The following TRPM3 variants were observed in gnomAD, a reference collection of about 807,000 sequenced individuals.
The protein encoded by TRPM3 is transient receptor potential cation channel subfamily M member 3, also known as long transient receptor potential channel 3.
Under a neutral mutation model 181.2 loss-of-function variants are expected in TRPM3, and 77 were observed. The ratio of observed to expected loss-of-function variants is 0.42; its 90% CI spans 0.35 to 0.51. TRPM3 has a LOEUF of 0.51. TRPM3 is among the 20% of genes least tolerant of loss of function. The pLI is 0.01. For missense variants in TRPM3, 1,759 were observed against 2,196.7 expected, an observed-to-expected ratio of 0.80 and a Z score of 3.98; for synonymous variants, 745 against 796.4, an observed-to-expected ratio of 0.94 and a Z score of 1.09.
At chr9:71,040,098 C>A (rs2058658791) in intron 1 of TRPM3, among the ~76,000 whole-genome samples, 1 of 152,104 alleles carries the variant, frequency 6.6e-6, no homozygotes, top group Non-Finnish European at 1.5e-5. Flanking sequence ...GAAAAGAAAG[C>A]CTGCGGCTCT....
chr9:71,427,767 A>C (rs1032739467), intron 1 of TRPM3, among the ~76,000 whole-genome samples: 4 of 152,116 alleles, frequency 2.6e-5, no homozygotes, highest in African/African-American at 9.7e-5. Context: ...AGGGAGGAGG[A>C]GGCAGGGGGC....
At chr9:71,197,433 G>A (rs540647968) in intron 1 of TRPM3, among the ~76,000 whole-genome samples, 2 of 152,190 alleles carry the variant, frequency 1.3e-5, no homozygotes, top group South Asian at 4.1e-4. Context: ...CTAGATCCCT[G>A]AGGAATCGCC....
At chr9:70,674,785 T>C (rs1319404322) in intron 9 of TRPM3, among the ~76,000 whole-genome samples, 1 of 149,638 alleles carries the variant, frequency 6.7e-6, no homozygotes, top group Non-Finnish European at 1.5e-5. Flanking sequence ...AGGCTGATCT[T>C]GAACTCCCAG....
rs1341568743 is a variant in TRPM3 at position 71,201,139 on chromosome 9, G to A, written c.183+245514C>T. Among the ~76,000 whole-genome samples the A allele has an allele frequency of 2.6e-4, 39 of 151,670 alleles. 1 individual carries two copies. Among genetic ancestry groups the A allele is most frequent in the African/African-American group, 9.2e-4 (38 of 41,428 alleles). ...ATTTCTCCTTCACTTATGAAGCTTA[G>A]TTTGGCTGGATATGAAATTCTGGGT... On this transcript the variant is annotated intron_variant, in intron 1 of 24. Coordinates refer to the TRPM3 transcript ENST00000357533.
At chr9:70,652,175 A>G (rs145391273) in intron 9 of TRPM3, among the ~76,000 whole-genome samples, 9 of 152,330 alleles carry the variant, frequency 5.9e-5, no homozygotes, top group South Asian at 2.1e-4. Context: ...GATGGTGGCT[A>G]TATGAACAGA....
intron 1 of TRPM3, among the ~76,000 whole-genome samples, chr9:71,301,378 C>T (rs2086759746): frequency 6.6e-6 from 1 of 152,160 alleles, no homozygotes; most frequent in Non-Finnish European, 1.5e-5. Context: ...ATGCTTTACA[C>T]ATTGATTACT....
At chr9:71,308,955 T>C (rs1034095664) in intron 1 of TRPM3, among the ~76,000 whole-genome samples, 20 of 152,158 alleles carry the variant, frequency 1.3e-4, no homozygotes, top group African/African-American at 4.3e-4. Flanking sequence ...GAGACTTCAA[T>C]AGGCTATCAG....
chr9:71,262,598 C>G (rs552480009), intron 1 of TRPM3, among the ~76,000 whole-genome samples: 1 of 152,348 alleles, frequency 6.6e-6, no homozygotes, highest in South Asian at 2.1e-4. Flanking sequence ...ACTCCTGCAG[C>G]TAGCTCAGTG....
chr9:71,007,001 T>C (rs938489743), intron 1 of TRPM3, among the ~76,000 whole-genome samples: 5 of 116,722 alleles, frequency 4.3e-5, no homozygotes, highest in African/African-American at 1.7e-4. Context: ...ATAGTGCCAT[T>C]GCACTCCAGC....
chr9:70,954,026 C>T (rs550548058), intron 1 of TRPM3, among the ~76,000 whole-genome samples: 12 of 152,268 alleles, frequency 7.9e-5, no homozygotes, highest in African/African-American at 2.9e-4. Flanking sequence ...TTACATCCAC[C>T]TCCAAAAATA....
chr9:71,248,284 G>T (rs533206947), intron 1 of TRPM3, among the ~76,000 whole-genome samples: 1 of 152,206 alleles, frequency 6.6e-6, no homozygotes, highest in South Asian at 2.1e-4. Context: ...AGACAGAAGT[G>T]TTCAACCAAC....
intron 6 of TRPM3, among the ~76,000 whole-genome samples, chr9:70,812,804 A>C (rs1318518446): frequency 6.6e-6 from 1 of 152,204 alleles, no homozygotes; most frequent in Non-Finnish European, 1.5e-5. Flanking sequence ...AAAAAAATTA[A>C]GTAATACTTT....
chr9:70,587,560 C>A (rs954434175), intron 22 of TRPM3, among the ~76,000 whole-genome samples: 1 of 152,158 alleles, frequency 6.6e-6, no homozygotes, highest in African/African-American at 2.4e-5. Context: ...TTTGCTCCGG[C>A]CTTGGCATGA....
chr9:70,765,213 T>G lies in TRPM3; in HGVS notation c.1149-3489A>C, dbSNP rs375206354. Among the ~76,000 whole-genome samples the G allele has an allele frequency of 3.7e-3, 563 of 152,312 alleles. 5 individuals are homozygous for G. The highest frequency in any genetic ancestry group is 0.013 in the African/African-American group (543 of 41,576). On this transcript the variant is annotated intron_variant, in intron 7 of 25. Transcript: ENST00000677713. ...CTCTTCCTGATTATATTCTAAGTCT[T>G]TCATAGTTTCCTAATCCGTATCAGG...
At chr9:71,413,577 G>A (rs1343206361) in intron 1 of TRPM3, among the ~76,000 whole-genome samples, 3 of 152,054 alleles carry the variant, frequency 2.0e-5, no homozygotes, top group African/African-American at 7.2e-5. Flanking sequence ...GTCTGAATGT[G>A]TCCCCCAAAA....
intron 5 of TRPM3, among the ~76,000 whole-genome samples, chr9:70,830,567 G>A (rs772012501): frequency 1.3e-5 from 2 of 152,162 alleles, no homozygotes; most frequent in Admixed American, 6.5e-5. Flanking sequence ...TTTTGGGAGA[G>A]AGTTTGTCTG....
intron 1 of TRPM3, among the ~76,000 whole-genome samples, chr9:71,446,190 G>A (rs7036129): frequency 0.2 from 30,458 of 152,070 alleles, 3,888 homozygotes; most frequent in East Asian, 0.51. Context: ...CATTAAAATG[G>A]TGGGGGTGTG....
chr9:71,120,817 A>C (rs2073476670), intron 1 of TRPM3, among the ~76,000 whole-genome samples: 2 of 152,190 alleles, frequency 1.3e-5, no homozygotes, highest in South Asian at 4.1e-4. Flanking sequence ...GGAGCCAAAC[A>C]CAAGGGAGTA....
intron 1 of TRPM3, among the ~76,000 whole-genome samples, chr9:71,063,740 A>G (rs2061587029): frequency 6.6e-6 from 1 of 152,112 alleles, no homozygotes; most frequent in Admixed American, 6.6e-5. Context: ...TAGACTGAGA[A>G]CACCTGAGAA....
Sources: gnomAD v4.1 joint callset for allele counts (sites outside exome capture counted in the v4.1 genomes callset) on GRCh38, gnomAD v4.1.1 for gene constraint, MANE v1.5 for transcripts, NCBI Gene and HGNC (gene_info 2026-07-23, HGNC 2026-07-21) for gene names.